The following STIM1 variants were observed in gnomAD, a reference collection of about 807,000 sequenced individuals.
STIM1 encodes stromal interaction molecule 1.
In STIM1, 25 loss-of-function variants were observed where a neutral mutation model predicts 74.7. The ratio of observed to expected loss-of-function variants is 0.33; its 90% CI spans 0.24 to 0.47. The LOEUF is 0.47. Ranked by LOEUF, STIM1 falls within the 20% of genes least tolerant of loss-of-function variation. The probability of loss-of-function intolerance (pLI) is 1.00; values close to 1 mark genes in which losing one functional copy is unlikely to be tolerated. For synonymous variants in STIM1, 328 were observed against 348.8 expected, an observed-to-expected ratio of 0.94 and a Z score of 0.66; for missense variants, 728 against 920.8, an observed-to-expected ratio of 0.79 and a Z score of 2.71.
At chr11:3,937,203 A>G (rs756978242) in intron 1 of STIM1, among the ~76,000 whole-genome samples, 34 of 151,864 alleles carry the variant, frequency 2.2e-4, no homozygotes, top group Admixed American at 1.2e-3. Flanking sequence ...AGGTGGGAGG[A>G]CCACCTGAGC....
intron 7 of STIM1, among the ~76,000 whole-genome samples, chr11:4,076,314 C>T (rs988355390): frequency 1.3e-5 from 2 of 151,294 alleles, no homozygotes; most frequent in African/African-American, 2.4e-5. Flanking sequence ...GGCAAAAGCC[C>T]GTCTGTACTA....
At chr11:3,995,357 ATTGT>A (rs1245212690) in intron 2 of STIM1, among the ~76,000 whole-genome samples, 1 of 152,048 alleles carries the variant, frequency 6.6e-6, no homozygotes, top group Non-Finnish European at 1.5e-5. Context: ...GACTGGCTAG[ATTGT>A]TTAAGTGGTT....
At position 4,092,442 on chromosome 11, in the gene STIM1, G is replaced by C. The variant is rs548115624; in HGVS notation, c.*644G>C. On this transcript the variant is annotated 3_prime_UTR_variant, in exon 13 of 13. Coordinates refer to ENST00000526596, the MANE Select transcript of STIM1 (RefSeq NM_001382567.1). ...ACCCACCAGAGACTTTTAAAGAGAG[G>C]CCAGGCTTGGGAATGGGTTGGGAGA... 7 of 160,432 alleles carry C rather than the reference G, an allele frequency of 4.4e-5. No homozygotes were observed. In the South Asian group the frequency reaches 1.2e-3, roughly 27 times the overall value. 9.9% of individuals were successfully genotyped at this position (160,432 alleles called of 1,614,324 possible).
At chr11:4,031,641 A>T (rs2094051249) in intron 3 of STIM1, among the ~76,000 whole-genome samples, 1 of 152,210 alleles carries the variant, frequency 6.6e-6, no homozygotes, top group Non-Finnish European at 1.5e-5. Flanking sequence ...AATGTTGAGC[A>T]TCCTTTTATG....
chr11:3,905,937 T>C (rs566129233), intron 1 of STIM1, among the ~76,000 whole-genome samples: 98 of 152,246 alleles, frequency 6.4e-4, no homozygotes, highest in South Asian at 2.7e-3. Flanking sequence ...TGACTTAATA[T>C]CTGGGATGAG....
intron 2 of STIM1, among the ~76,000 whole-genome samples, chr11:4,012,327 T>G (rs2093845972): frequency 1.3e-5 from 2 of 152,264 alleles, no homozygotes; most frequent in South Asian, 4.1e-4. Context: ...TGTGGCCATT[T>G]TCATGATATT....
chr11:3,998,218 T>G (rs146109956), intron 2 of STIM1, among the ~76,000 whole-genome samples: 381 of 152,332 alleles, frequency 2.5e-3, no homozygotes, highest in African/African-American at 8.7e-3. Context: ...TGCTACTATC[T>G]TCATTTTACA....
intron 2 of STIM1, among the ~76,000 whole-genome samples, chr11:4,014,987 T>C (rs973028659): frequency 6.6e-6 from 1 of 152,236 alleles, no homozygotes; most frequent in East Asian, 1.9e-4. Flanking sequence ...TACTGATGGG[T>C]CTTGACTCTT....
Position 4,092,237 on chromosome 11 carries a change from A to G in STIM1, c.*439A>G, listed in dbSNP as rs2094529026. 1 of 301,620 alleles carries G rather than the reference A, an allele frequency of 3.3e-6. No homozygotes were observed. The highest frequency in any genetic ancestry group is 2.2e-5 in the African/African-American group (1 of 46,328). The allele number at this position is 301,620 out of a possible 1,614,324, so 18.7% of individuals were successfully genotyped here. A position where few individuals can be genotyped will look rare whatever the true frequency, so the allele number is the denominator to read the frequency against. The stretch of plus-strand genomic sequence containing the variant: ...GAAGATAGGACGAGTAGCTTCTGAC[A>G]TGTGTGCCTCAGATCTGTTCCACCC... On this transcript the variant is annotated 3_prime_UTR_variant, in exon 13 of 13. Coordinates refer to ENST00000526596, the MANE Select transcript of STIM1 (RefSeq NM_001382567.1).
chr11:3,859,312 C>T (rs1171488231), intron 1 of STIM1, among the ~76,000 whole-genome samples: 3 of 152,198 alleles, frequency 2.0e-5, no homozygotes, highest in African/African-American at 7.2e-5. Flanking sequence ...ATTCCTGTCA[C>T]CCTTTGGCTC....
chr11:3,979,049 A>G lies in STIM1; in HGVS notation c.270+11367A>G, dbSNP rs182852339. Reference sequence around the variant, plus strand: ...AGCAGTCAGCAGGTTCACTTGCAATATCTAAAGTGCCAGGAGGAACTTGGA... The same window carrying G: ...AGCAGTCAGCAGGTTCACTTGCAATGTCTAAAGTGCCAGGAGGAACTTGGA... On this transcript the variant is annotated intron_variant, in intron 2 of 12. Transcript: ENST00000526596. 9.9e-4 allele frequency among the ~76,000 whole-genome samples: 151 copies of G among 152,306 alleles called. 1 individual carries two copies. The South Asian group carries it at 0.011, about 11-fold the overall frequency.
intron 1 of STIM1, among the ~76,000 whole-genome samples, chr11:3,955,098 G>A (rs2093195187): frequency 1.3e-5 from 2 of 152,208 alleles, no homozygotes; most frequent in African/African-American, 4.8e-5. Context: ...CTCAAATCTT[G>A]TTGAGTAACA....
chr11:4,032,620 A>C lies in STIM1; in HGVS notation c.385+8633A>C, dbSNP rs117503162. On this transcript the variant is annotated intron_variant, in intron 3 of 12. Coordinates refer to ENST00000526596, the MANE Select transcript of STIM1 (RefSeq NM_001382567.1). The stretch of plus-strand genomic sequence containing the variant: ...TGAGTTTGAGAGAACTGACATCTTC[A>C]AAATACTGATGTTCTTTCAACCCAT... Among the ~76,000 whole-genome samples the C allele has an allele frequency of 3.7e-3, 556 of 152,310 alleles. 2 individuals carry two copies. The South Asian group carries it at 0.039, about 11-fold the overall frequency.
chr11:3,872,523 CTT>C (rs574634847), intron 1 of STIM1, among the ~76,000 whole-genome samples: 256 of 129,300 alleles, frequency 2.0e-3, no homozygotes, highest in African/African-American at 4.4e-3. Context: ...TTCTTTTTTT[CTT>C]TTTTTTTTTT....
chr11:3,940,391 G>T (rs1217572054), intron 1 of STIM1, among the ~76,000 whole-genome samples: 1 of 152,170 alleles, frequency 6.6e-6, no homozygotes, highest in East Asian at 1.9e-4. Context: ...TAAATGTGGG[G>T]AATAGATCAT....
chr11:3,953,784 C>CT (rs1237093007), intron 1 of STIM1, among the ~76,000 whole-genome samples: 85 of 133,538 alleles, frequency 6.4e-4, no homozygotes, highest in African/African-American at 1.7e-3. Context: ...CTTCTTCTTT[C>CT]TTTTTTTTTT....
At chr11:3,880,444 A>G (rs1167393348) in intron 1 of STIM1, among the ~76,000 whole-genome samples, 1 of 152,194 alleles carries the variant, frequency 6.6e-6, no homozygotes, top group Non-Finnish European at 1.5e-5. Context: ...TCTCAGGGCA[A>G]TGAAAATAGT....
At chr11:4,060,574 C>T (rs1257479323) in intron 5 of STIM1, among the ~76,000 whole-genome samples, 1 of 152,176 alleles carries the variant, frequency 6.6e-6, no homozygotes, top group African/African-American at 2.4e-5. Context: ...ACATTTTACT[C>T]ACCTTCATTG....
intron 2 of STIM1, among the ~76,000 whole-genome samples, chr11:3,992,091 T>C (rs1261415736): frequency 4.0e-5 from 4 of 100,286 alleles, no homozygotes; most frequent in South Asian, 2.6e-4. Flanking sequence ...GTTTTTTTGT[T>C]TTTTTTTTTT....
Sources: gnomAD v4.1 joint callset for allele counts (sites outside exome capture counted in the v4.1 genomes callset) on GRCh38, gnomAD v4.1.1 for gene constraint, MANE v1.5 for transcripts, NCBI Gene and HGNC (gene_info 2026-07-23, HGNC 2026-07-21) for gene names.